The following PAMR1 variants were observed in gnomAD, a reference collection of about 807,000 sequenced individuals.
PAMR1 encodes peptidase domain containing associated with muscle regeneration 1, also known as inactive serine protease PAMR1.
In PAMR1, 88 loss-of-function variants were observed where a neutral mutation model predicts 81.8. The ratio of observed to expected loss-of-function variants is 1.08; its 90% confidence interval spans 0.91 to 1.28. PAMR1 has a LOEUF of 1.28. Among genes scored for constraint, PAMR1 ranks in the 50% most tolerant of loss-of-function variants. The pLI is 0.00. For missense variants in PAMR1, 935 were observed against 919.7 expected (o/e 1.02, Z -0.21); for synonymous variants, 336 against 345.3 (o/e 0.97, Z 0.30).
chr11:35,432,828 A>G lies in PAMR1; in HGVS notation c.1691T>C (p.Leu564Pro), dbSNP rs1238344279. 1.2e-6 allele frequency: 2 copies of G among 1,603,650 alleles called. No homozygotes were observed. Among genetic ancestry groups the G allele is most frequent in the South Asian group, 1.1e-5 (1 of 90,982 alleles). ...PILLDADIAI[L>P]KLLDKARIST... ...GATACGGGCCTTGTCTAGGAGCTTC[A>G]GGATGGCGATGTCAGCATCAAGCAG... The change falls in exon 11 of 11, where the codon CTG (leucine) becomes CCG (proline). Residue 564 changes from leucine to proline, a missense_variant. Leu to Pro is a moderately conservative substitution (Grantham distance 98). Transcript: ENST00000619888.
chr11:35,492,747 A>G (rs1850654279), intron 2 of PAMR1, among the ~76,000 whole-genome samples: 1 of 152,164 alleles, frequency 6.6e-6, no homozygotes, highest in African/African-American at 2.4e-5. Context: ...CCTGTCTAAC[A>G]ATAGGCTCAC....
At chr11:35,444,428 G>C (rs1009262648) in intron 6 of PAMR1, among the ~76,000 whole-genome samples, 23 of 152,158 alleles carry the variant, frequency 1.5e-4, no homozygotes, top group Admixed American at 1.1e-3. Flanking sequence ...CTGTGCCTAT[G>C]TTGTATGGTA....
intron 3 of PAMR1, among the ~76,000 whole-genome samples, chr11:35,486,783 T>C (rs931408846): frequency 2.0e-5 from 3 of 152,244 alleles, no homozygotes; most frequent in African/African-American, 7.2e-5. Flanking sequence ...ATTTGCTGTA[T>C]TGACTTCTTG....
At position 35,510,842 on chromosome 11, in the gene PAMR1, T is replaced by TA. The variant is rs1295489060; in HGVS notation, c.73+14670dup. Among the ~76,000 whole-genome samples, 5 of 152,270 alleles carry TA rather than the reference T, an allele frequency of 3.3e-5. No individual in the cohort carries two copies. The Middle Eastern group carries it at 0.014, about 414-fold the overall frequency. Reference sequence around the variant, plus strand: ...CCTGATCCCCTCTTTAAAATCAGAATAAAAAAATATTAAGACAGTTGCAAA... The same window carrying TA: ...CCTGATCCCCTCTTTAAAATCAGAATAAAAAAAATATTAAGACAGTTGCAAA... On this transcript the variant is annotated intron_variant, in intron 1 of 10. Transcript: ENST00000619888.
upstream of PAMR1, chr11:35,530,002 A>T (rs1241124585): frequency 1.3e-5 from 2 of 152,162 alleles, no homozygotes; most frequent in Non-Finnish European, 2.9e-5. Context: ...TGTCTTTGTG[A>T]ATTCTTACAG....
intron 6 of PAMR1, among the ~76,000 whole-genome samples, chr11:35,460,966 C>T (rs1856641917): frequency 6.6e-6 from 1 of 152,192 alleles, no homozygotes; most frequent in Non-Finnish European, 1.5e-5. Context: ...ACATCCTCTC[C>T]AGCACCTGTT....
intron 1 of PAMR1, among the ~76,000 whole-genome samples, chr11:35,503,776 T>C (rs1212896173): frequency 1.3e-5 from 2 of 152,140 alleles, no homozygotes; most frequent in East Asian, 3.8e-4. Flanking sequence ...GTAGAGTCTT[T>C]AGATTTTTTT....
intron 3 of PAMR1, among the ~76,000 whole-genome samples, chr11:35,475,192 T>C (rs930795521): frequency 4.6e-5 from 7 of 152,182 alleles, no homozygotes; most frequent in African/African-American, 1.7e-4. Context: ...TCTACTCACT[T>C]TCCTCCACCA....
At position 35,449,912 on chromosome 11, in the gene PAMR1, G is replaced by A. The variant is rs538805716; in HGVS notation, c.821-8219C>T. Among the ~76,000 whole-genome samples, 41 of 152,042 alleles carry A rather than the reference G, an allele frequency of 2.7e-4. 4 individuals are homozygous for A. The highest frequency in any genetic ancestry group is 9.6e-4 in the African/African-American group (40 of 41,466). On this transcript the variant is annotated intron_variant, in intron 6 of 10. Transcript: ENST00000619888. Reference sequence around the variant, plus strand: ...CTCTGCTTTTCCTTGCTTTCCATGGGTCATGACAACCACCTAGTCAGTCTC... The same window carrying A: ...CTCTGCTTTTCCTTGCTTTCCATGGATCATGACAACCACCTAGTCAGTCTC...
intron 6 of PAMR1, among the ~76,000 whole-genome samples, chr11:35,446,863 G>C (rs1014817539): frequency 1.3e-5 from 2 of 152,196 alleles, no homozygotes; most frequent in African/African-American, 2.4e-5. Flanking sequence ...ACTTGGTCCA[G>C]AGCTGAGTTC....
chr11:35,464,609 C>A (rs1264446921), intron 6 of PAMR1, among the ~76,000 whole-genome samples: 1 of 152,120 alleles, frequency 6.6e-6, no homozygotes, highest in African/African-American at 2.4e-5. Context: ...AGATGGAGAG[C>A]AAAATCACCC....
chr11:35,476,168 C>T (rs912020154), intron 3 of PAMR1, among the ~76,000 whole-genome samples: 2 of 152,168 alleles, frequency 1.3e-5, no homozygotes, highest in African/African-American at 4.8e-5. Context: ...ATTGCTGCTG[C>T]CCTGTGCCAA....
At chr11:35,472,448 G>A (rs974184028) in intron 4 of PAMR1, among the ~76,000 whole-genome samples, 1 of 152,192 alleles carries the variant, frequency 6.6e-6, no homozygotes, top group Non-Finnish European at 1.5e-5. Context: ...AGCTAGGCAC[G>A]TGCCGGCCCT....
intron 1 of PAMR1, 38 bp from the exon 2 acceptor site, chr11:35,494,310 C>G: frequency 6.5e-7 from 1 of 1,549,186 alleles, no homozygotes; most frequent in Admixed American, 1.7e-5. Context: ...TAGGTCCTGG[C>G]AGGGAGTGGT....
intron 8 of PAMR1, among the ~76,000 whole-genome samples, chr11:35,437,598 C>G (rs556779293): frequency 9.8e-5 from 15 of 152,348 alleles, no homozygotes; most frequent in Admixed American, 9.1e-4. Flanking sequence ...GAGGTGGCTG[C>G]TGGAGATAGG....
chr11:35,483,097 G>A (rs762225206), intron 3 of PAMR1, among the ~76,000 whole-genome samples: 7 of 152,076 alleles, frequency 4.6e-5, no homozygotes, highest in Non-Finnish European at 1.0e-4. Flanking sequence ...GATTGCAAAC[G>A]CCCTCTCCTC....
intron 1 of PAMR1, among the ~76,000 whole-genome samples, chr11:35,517,916 G>A (rs150277336): frequency 5.9e-5 from 9 of 152,316 alleles, no homozygotes; most frequent in African/African-American, 1.9e-4. Flanking sequence ...AAGTGTAAAG[G>A]CTATTTGTGA....
Position 35,494,248 on chromosome 11 carries a change from C to T in PAMR1, c.98G>A (p.Cys33Tyr), listed in dbSNP as rs757733725. The T allele has an allele frequency of 1.2e-6, 2 of 1,614,156 alleles. No individual in the cohort carries two copies. Among genetic ancestry groups the T allele is most frequent in the East Asian group, 4.5e-5 (2 of 44,890 alleles). ...PREYTVINEA[C>Y]PGAEWNIMCR... ...CATGATATTCCACTCTGCTCCAGGG[C>T]AGGCTTCATTAATGACTGTGTACTC... The change falls in exon 2 of 11, where the codon TGC becomes TAC. Residue 33 changes from cysteine to tyrosine, a missense_variant. Cys to Tyr is a radical substitution (Grantham distance 194). Transcript: ENST00000619888.
intron 2 of PAMR1, among the ~76,000 whole-genome samples, chr11:35,492,558 A>G (rs894443175): frequency 1.3e-5 from 2 of 152,224 alleles, no homozygotes; most frequent in African/African-American, 4.8e-5. Flanking sequence ...CTAAAACCCC[A>G]TCACCCAGGC....
Sources: gnomAD v4.1 joint callset for allele counts (sites outside exome capture counted in the v4.1 genomes callset) on GRCh38, gnomAD v4.1.1 for gene constraint, MANE v1.5 for transcripts, NCBI Gene and HGNC (gene_info 2026-07-23, HGNC 2026-07-21) for gene names.